The following DNAH12 variants were observed in gnomAD, a reference collection of about 807,000 sequenced individuals.
The protein encoded by DNAH12 is axonemal beta dynein heavy chain 12.
A neutral mutation model predicts 371.5 loss-of-function variants in DNAH12; 285 were observed. That is an observed-to-expected ratio of 0.77 (90% confidence interval 0.70 to 0.85). DNAH12 has a LOEUF of 0.85. Ranked by LOEUF, DNAH12 falls within the 40% of genes least tolerant of loss-of-function variation. The pLI is 0.00. For synonymous variants in DNAH12, 1,200 were observed against 1,213.0 expected (o/e 0.99, Z 0.22); for missense variants, 3,611 against 3,689.4 (o/e 0.98, Z 0.55).
At chr3:57,311,054 T>A in intron 66 of DNAH12, 104 bp from the exon 67 acceptor site, 1 of 826,164 alleles carries the variant, frequency 1.2e-6, no homozygotes, top group Non-Finnish European at 1.9e-6. Flanking sequence ...GAAAGAATTA[T>A]CATGAGTTGT....
intron 35 of DNAH12, among the ~76,000 whole-genome samples, chr3:57,424,055 T>G (rs959402758): frequency 6.6e-6 from 1 of 152,156 alleles, no homozygotes; most frequent in African/African-American, 2.4e-5. Flanking sequence ...TGGTCTTTCA[T>G]AGCTAGCTTT....
chr3:57,541,706 T>C (rs1466633795), intron 2 of DNAH12, among the ~76,000 whole-genome samples: 1 of 151,916 alleles, frequency 6.6e-6, no homozygotes, highest in Non-Finnish European at 1.5e-5. Context: ...TAATAGTACA[T>C]ATACTGATAT....
chr3:57,367,844 G>C (rs1470268686), intron 56 of DNAH12, among the ~76,000 whole-genome samples: 3 of 152,198 alleles, frequency 2.0e-5, no homozygotes, highest in East Asian at 1.9e-4. Flanking sequence ...GCAATGAAGA[G>C]AGGGCAAGGT....
At chr3:57,296,554 A>C (rs986827280) in intron 71 of DNAH12, 119 bp from the exon 72 acceptor site, 1 of 814,712 alleles carries the variant, frequency 1.2e-6, no homozygotes, top group South Asian at 2.1e-5. Flanking sequence ...ATAGCTTGTT[A>C]AACTATACAT....
rs760958048 is a variant in DNAH12 at position 57,309,675 on chromosome 3, G to A, written c.11076C>T (p.Ile3692=). 3.0e-5 allele frequency: 46 copies of A among 1,514,984 alleles called. No individual in the cohort carries two copies. The highest frequency in any genetic ancestry group is 4.0e-5 in the Non-Finnish European group (45 of 1,133,988). 93.8% of individuals were successfully genotyped at this position (1,514,984 alleles called of 1,614,324 possible). The part of the protein sequence containing the change: ...DQILLEITKD[I]LNKLPSDFDI... ...TTAAGCTGAACATTACCTTGTTGAGGATATCTTTGGTAATTTCTAACAGAA... is the reference window on the plus strand; with the variant it reads ...TTAAGCTGAACATTACCTTGTTGAGAATATCTTTGGTAATTTCTAACAGAA... Residue 3692 remains isoleucine (I), a synonymous_variant, in exon 68 of 74, where the codon ATC becomes ATT. Coordinates refer to ENST00000495027, the MANE Select transcript of DNAH12 (RefSeq NM_001366028.2).
At chr3:57,384,713 T>G (rs1223397684) in intron 49 of DNAH12, 116 bp downstream of exon 49, 1 of 152,188 alleles carries the variant, frequency 6.6e-6, no homozygotes, top group Non-Finnish European at 1.5e-5. Context: ...TTCATTTGAC[T>G]GGACAAAAAC....
chr3:57,343,806 A>G (rs909370497), intron 60 of DNAH12, among the ~76,000 whole-genome samples: 8 of 152,208 alleles, frequency 5.3e-5, no homozygotes, highest in Non-Finnish European at 1.0e-4. Context: ...GTGGGAGGCG[A>G]GACATGTTTG....
Position 57,433,514 on chromosome 3 carries a change from A to AG in DNAH12, c.4840-8dup. On this transcript the variant is annotated splice_polypyrimidine_tract_variant and splice_region_variant and intron_variant, in intron 31 of 73. Transcript: ENST00000495027. The stretch of plus-strand genomic sequence containing the variant: ...CCACAATACCATCAGTCCACTGAGG[A>AG]GGAAAAAAAAGAATTAAAAAGCTCT... 2 of 1,544,122 alleles carry AG rather than the reference A, an allele frequency of 1.3e-6. No homozygotes were observed. The highest frequency in any genetic ancestry group is 1.2e-5 in the South Asian group (1 of 81,850).
intron 5 of DNAH12, among the ~76,000 whole-genome samples, chr3:57,509,861 T>TAAAAAAAAAAAAAAAAAAA (rs902155403): frequency 1.5e-4 from 7 of 46,560 alleles, no homozygotes; most frequent in Non-Finnish European, 2.2e-4. Context: ...GACTCCATCA[T>TAAAAAAAAAAAAAAAAAAA]AAAAAAAAAA....
Position 57,375,863 on chromosome 3 carries a change from A to C in DNAH12, c.8568T>G (p.Ser2856=), listed in dbSNP as rs1486211126. The change falls in exon 54 of 74, where the codon TCT becomes TCG. Residue 2856 remains serine (S), a synonymous_variant. Transcript: ENST00000495027. The part of the protein sequence containing the change: ...GVIAYLGAFT[S]GFRQTCTKDW... Reference sequence around the variant, plus strand: ...CTTTTGTACATGTTTGTCGAAAGCCAGAAGTGAAAGCACCAAGGTAAGCTA... The same window carrying C: ...CTTTTGTACATGTTTGTCGAAAGCCCGAAGTGAAAGCACCAAGGTAAGCTA... 1 of 152,194 alleles carries C rather than the reference A, an allele frequency of 6.6e-6. No individual in the cohort carries two copies. Among genetic ancestry groups the C allele is most frequent in the African/African-American group, 2.4e-5 (1 of 41,460 alleles). The allele number at this position is 152,194 out of a possible 1,614,324, so 9.4% of individuals were successfully genotyped here. A position where few individuals can be genotyped will look rare whatever the true frequency, so the allele number is the denominator to read the frequency against.
chr3:57,452,971 A>G lies in DNAH12; in HGVS notation c.3658T>C (p.Tyr1220His). The change falls in exon 25 of 74, where the codon TAT becomes CAT. Residue 1220 changes from tyrosine to histidine, a missense_variant. Around this residue, in one of 3 missense-constraint regions of DNAH12, gnomAD observed 31 missense variants for 53.8 expected, o/e 0.58. Coordinates refer to ENST00000495027, the MANE Select transcript of DNAH12 (RefSeq NM_001366028.2). ...CGGGCATTCTCATTTTCCCAATAAT[A>G]TCGGAGCTGAGCAAGCCACAGGAAA... ...TDFLWLAQLR[Y>H]YWENENARVR... 1 of 1,551,062 alleles carries G rather than the reference A, an allele frequency of 6.4e-7. No individual in the cohort carries two copies. Among genetic ancestry groups the G allele is most frequent in the Non-Finnish European group, 8.7e-7 (1 of 1,146,906 alleles).
intron 44 of DNAH12, among the ~76,000 whole-genome samples, chr3:57,393,004 T>C (rs1253465293): frequency 6.6e-6 from 1 of 152,114 alleles, no homozygotes; most frequent in East Asian, 1.9e-4. Flanking sequence ...TTGTTGTTGT[T>C]GTTGTTTTGT....
intron 69 of DNAH12, among the ~76,000 whole-genome samples, chr3:57,307,866 C>T (rs2061504353): frequency 1.3e-5 from 2 of 152,184 alleles, no homozygotes; most frequent in South Asian, 2.1e-4. Context: ...TTACTGATGG[C>T]AGTTCCACCA....
intron 71 of DNAH12, 137 bp from the exon 72 acceptor site, chr3:57,296,572 G>T: frequency 1.3e-6 from 1 of 771,056 alleles, no homozygotes. Flanking sequence ...CATTTTTTCA[G>T]CCGTAGTTTG....
At chr3:57,445,035 C>CAA in intron 28 of DNAH12, 139 bp downstream of exon 28, 1 of 1,192,720 alleles carries the variant, frequency 8.4e-7, no homozygotes, top group East Asian at 2.6e-5. Context: ...CAACATAACC[C>CAA]AAAAAACCAT....
chr3:57,471,040 T>G (rs528446273), intron 15 of DNAH12, among the ~76,000 whole-genome samples: 8 of 152,158 alleles, frequency 5.3e-5, no homozygotes, highest in African/African-American at 1.9e-4. Context: ...CTTCACAACA[T>G]AACTATGATT....
chr3:57,521,053 G>T (rs2068413798), intron 4 of DNAH12, among the ~76,000 whole-genome samples: 1 of 99,150 alleles, frequency 1.0e-5, no homozygotes, highest in African/African-American at 3.6e-5. Flanking sequence ...GACAAAGTGA[G>T]ACTCTGTCTC....
intron 39 of DNAH12, 45 bp from the exon 40 acceptor site, chr3:57,408,580 C>T: frequency 2.1e-6 from 3 of 1,443,268 alleles, no homozygotes; most frequent in African/African-American, 2.9e-5. Context: ...GTTATAAAGA[C>T]ATTAAGATGG....
intron 65 of DNAH12, among the ~76,000 whole-genome samples, chr3:57,319,717 T>C (rs1328192057): frequency 6.6e-6 from 1 of 151,554 alleles, no homozygotes; most frequent in Non-Finnish European, 1.5e-5. Context: ...ACTGGGATTA[T>C]AGCCACATGC....
Sources: gnomAD v4.1 joint callset for allele counts (sites outside exome capture counted in the v4.1 genomes callset) on GRCh38, gnomAD v4.1.1 for gene constraint, gnomAD v4.1.1 regional missense constraint, MANE v1.5 for transcripts, NCBI Gene and HGNC (gene_info 2026-07-23, HGNC 2026-07-21) for gene names.